Variants in MEGF11 observed in about 807,000 individuals in gnomAD.
MEGF11 encodes the protein multiple EGF like domains 11.
A neutral mutation model predicts 146.6 loss-of-function variants in MEGF11; 126 were observed. That is an observed-to-expected ratio of 0.86 (90% confidence interval 0.74 to 1.00). The LOEUF (loss-of-function observed/expected upper bound fraction) is 1.00. Ranked by LOEUF, MEGF11 falls within the 50% of genes least tolerant of loss-of-function variation. MEGF11 has a pLI of 0.00. For missense variants in MEGF11, 1,509 were observed against 1,521.2 expected (o/e 0.99, Z 0.13); for synonymous variants, 532 against 583.4 (o/e 0.91, Z 1.27).
At chr15:66,039,699 G>T (rs1051113250) in intron 5 of MEGF11, among the ~76,000 whole-genome samples, 1 of 152,174 alleles carries the variant, frequency 6.6e-6, no homozygotes, top group African/African-American at 2.4e-5. Context: ...CTGTCTCAAA[G>T]CCCGGCACCT....
intron 5 of MEGF11, among the ~76,000 whole-genome samples, chr15:66,045,622 A>G (rs556277397): frequency 2.0e-5 from 3 of 152,288 alleles, no homozygotes; most frequent in Non-Finnish European, 2.9e-5. Flanking sequence ...GACATGTGTC[A>G]CCTCCAAATG....
chr15:66,161,131 G>T (rs2089939669), intron 1 of MEGF11, among the ~76,000 whole-genome samples: 1 of 152,188 alleles, frequency 6.6e-6, no homozygotes, highest in Non-Finnish European at 1.5e-5. Flanking sequence ...TAAAGTAGAA[G>T]CTCACAAGAT....
intron 1 of MEGF11, among the ~76,000 whole-genome samples, chr15:66,156,657 G>A (rs567158096): frequency 1.1e-3 from 165 of 152,116 alleles, no homozygotes; most frequent in African/African-American, 3.6e-3. Flanking sequence ...CACCCTGTCC[G>A]TGCCCCCTTC....
intron 5 of MEGF11, among the ~76,000 whole-genome samples, chr15:66,085,527 AC>A (rs2086070767): frequency 6.6e-6 from 1 of 152,144 alleles, no homozygotes; most frequent in Admixed American, 6.5e-5. Flanking sequence ...CCCAGTACCA[AC>A]CCGGAGCTGG....
At chr15:66,088,365 C>G (rs2086194966) in intron 5 of MEGF11, among the ~76,000 whole-genome samples, 1 of 152,156 alleles carries the variant, frequency 6.6e-6, no homozygotes, top group Non-Finnish European at 1.5e-5. Context: ...AGGACATAAC[C>G]AAATGAGGGG....
At chr15:66,211,075 C>T (rs1172099605) in intron 1 of MEGF11, among the ~76,000 whole-genome samples, 1 of 152,204 alleles carries the variant, frequency 6.6e-6, no homozygotes, top group East Asian at 1.9e-4. Flanking sequence ...CTTTGGCCCT[C>T]CCAAAGACCA....
intron 5 of MEGF11, among the ~76,000 whole-genome samples, chr15:66,050,048 T>C (rs1281284051): frequency 6.6e-6 from 1 of 152,182 alleles, no homozygotes; most frequent in Non-Finnish European, 1.5e-5. Context: ...GAACCTACAT[T>C]CCGTGTTAAA....
chr15:66,021,469 A>AAAAACCAAACC (rs1380806820), intron 5 of MEGF11, among the ~76,000 whole-genome samples: 1 of 152,264 alleles, frequency 6.6e-6, no homozygotes, highest in Non-Finnish European at 1.5e-5. Context: ...ATATATAAAC[A>AAAAACCAAACC]AAATAAAACA....
intron 1 of MEGF11, among the ~76,000 whole-genome samples, chr15:66,250,916 T>TG (rs1375968168): frequency 2.0e-5 from 3 of 146,744 alleles, no homozygotes; most frequent in Non-Finnish European, 4.5e-5. Context: ...AAAAAAAGAA[T>TG]GAAAAAAAAA....
chr15:65,965,621 T>TCTTTCTTTCTTTCTTTC (rs2081062250), intron 8 of MEGF11, among the ~76,000 whole-genome samples: 3 of 136,134 alleles, frequency 2.2e-5, no homozygotes, highest in South Asian at 2.4e-4. Flanking sequence ...TTCTTTTTTT[T>TCTTTCTTTCTTTCTTTC]TTTTTTGGCT....
At chr15:66,227,104 A>G (rs1009264452) in intron 1 of MEGF11, among the ~76,000 whole-genome samples, 5 of 152,162 alleles carry the variant, frequency 3.3e-5, no homozygotes, top group Non-Finnish European at 5.9e-5. Flanking sequence ...TCTACAGCCC[A>G]TGGGGAGGAC....
At chr15:65,914,263 T>C (rs2078918628) in intron 19 of MEGF11, 1 of 510,978 alleles carries the variant, frequency 2.0e-6, no homozygotes, top group Non-Finnish European at 3.5e-6. Flanking sequence ...ATTCATTTAC[T>C]CTTCAGCCCT....
chr15:66,020,758 C>T (rs2083082920), intron 5 of MEGF11, among the ~76,000 whole-genome samples: 1 of 151,964 alleles, frequency 6.6e-6, no homozygotes, highest in African/African-American at 2.4e-5. Flanking sequence ...TTTGGGAGGC[C>T]GAGGTAGGCG....
At chr15:66,081,694 A>G (rs1282095185) in intron 5 of MEGF11, among the ~76,000 whole-genome samples, 1 of 152,176 alleles carries the variant, frequency 6.6e-6, no homozygotes, top group East Asian at 1.9e-4. Context: ...CACTTTAAAG[A>G]TGAGAAAACT....
chr15:66,052,058 A>G (rs1226389586), intron 5 of MEGF11, among the ~76,000 whole-genome samples: 1 of 152,196 alleles, frequency 6.6e-6, no homozygotes, highest in African/African-American at 2.4e-5. Flanking sequence ...CATCATGAGG[A>G]GGCAACAGAG....
At chr15:66,040,920 T>TG (rs1008377213) in intron 5 of MEGF11, among the ~76,000 whole-genome samples, 1 of 150,836 alleles carries the variant, frequency 6.6e-6, no homozygotes, top group Non-Finnish European at 1.5e-5. Context: ...GGACTTTTTT[T>TG]TTTTTTCCCC....
rs1487956044 is a variant in MEGF11 at position 65,957,597 on chromosome 15, C to T, written c.1237G>A (p.Ala413Thr). The T allele has an allele frequency of 5.6e-6, 9 of 1,613,740 alleles. No homozygotes were observed. Among genetic ancestry groups the T allele is most frequent in the South Asian group, 2.2e-5 (2 of 91,056 alleles). The stretch of plus-strand genomic sequence containing the variant: ...CCCCCAGTGATGCTGTGGCAGTCGG[C>T]GCCATTCTGACAGGTGCAAGGCAGC... ...CQLPCTCQNG[A>T]DCHSITGGCT... is the part of the protein sequence containing the mutation. The change falls in exon 10 of 26, where the codon GCC becomes ACC. Residue 413 changes from alanine (A) to threonine (T), a missense_variant. Ala to Thr is a moderately conservative substitution (Grantham distance 58, BLOSUM62 0). Coordinates refer to ENST00000395614, the MANE Select transcript of MEGF11 (RefSeq NM_001385028.1).
chr15:65,924,216 A>G (rs1156268213), intron 13 of MEGF11, among the ~76,000 whole-genome samples: 3 of 151,554 alleles, frequency 2.0e-5, no homozygotes, highest in Admixed American at 2.0e-4. Context: ...GAGAGGGGAG[A>G]GGGAGGGAGA....
chr15:66,132,859 G>A (rs778683069), intron 1 of MEGF11, among the ~76,000 whole-genome samples: 2 of 152,084 alleles, frequency 1.3e-5, no homozygotes, highest in Non-Finnish European at 2.9e-5. Context: ...CTTGTACCAT[G>A]CCACTAGAAC....
Sources: allele counts gnomAD v4.1 joint callset (sites outside exome capture counted in the v4.1 genomes callset), GRCh38; gene constraint gnomAD v4.1.1; transcripts MANE v1.5; gene names NCBI Gene and HGNC (gene_info 2026-07-23, HGNC 2026-07-21).